UNC13A: variants seen among roughly 807,000 people sequenced by gnomAD.
UNC13A encodes the protein protein unc-13 homolog A.
In UNC13A, 61 loss-of-function variants were observed where a neutral mutation model predicts 219.7. The observed-to-expected ratio is 0.28, with a 90% confidence interval of 0.23 to 0.34. The LOEUF (loss-of-function observed/expected upper bound fraction) is 0.34. Among genes scored for constraint, UNC13A ranks in the 10% least tolerant of loss-of-function variants. The pLI is 1.00. For synonymous variants in UNC13A, 920 were observed against 884.6 expected (o/e 1.04, Z -0.71); for missense variants, 1,476 against 2,270.3 (o/e 0.65, Z 7.11).
intron 21 of UNC13A, 88 bp downstream of exon 21, chr19:17,641,305 C>T (rs1456437534): frequency 8.5e-6 from 13 of 1,520,744 alleles, no homozygotes; most frequent in Non-Finnish European, 1.2e-5. Flanking sequence ...TCTGGGTCTT[C>T]CCCCTGAGAA....
At position 17,647,184 on chromosome 19, in the gene UNC13A, G is replaced by T. The variant is rs1297129709; in HGVS notation, c.2044+81C>A. On this transcript the variant is annotated intron_variant, in intron 17 of 43. Transcript: ENST00000519716. Reference sequence around the variant, plus strand: ...GTGAGTGCGCGCTGCAAAGGAGAGGGACCAGGCCATGGGACAGGGCATGAG... The same window carrying T: ...GTGAGTGCGCGCTGCAAAGGAGAGGTACCAGGCCATGGGACAGGGCATGAG... The T allele has an allele frequency of 7.5e-6, 10 of 1,326,460 alleles. No homozygotes were observed. The African/African-American group carries it at 1.2e-4, about 15-fold the overall frequency. The allele number at this position is 1,326,460 out of a possible 1,614,324, so 82.2% of individuals were successfully genotyped here. A position where few individuals can be genotyped will look rare whatever the true frequency, so the allele number is the denominator to read the frequency against.
chr19:17,633,119 T>A lies in UNC13A; in HGVS notation c.3290A>T (p.Tyr1097Phe). ...GGTGGGAAACTCACCCTCCATGGCG[T>A]ACTTCATGTCTTGGGCAAACAGATT... The part of the protein sequence containing the change: ...MWNLFAQDMK[Y>F]AMEEHDKHRL... Residue 1097 changes from tyrosine (Y) to phenylalanine (F), a missense_variant, in exon 27 of 44, where the codon TAC becomes TTC. Coordinates refer to ENST00000519716, the MANE Select transcript of UNC13A (RefSeq NM_001080421.3). The A allele has an allele frequency of 6.2e-7, 1 of 1,614,180 alleles. No homozygotes were observed. The highest frequency in any genetic ancestry group is 1.1e-5 in the South Asian group (1 of 91,084).
At chr19:17,684,503 C>G (rs1416603666) in intron 1 of UNC13A, among the ~76,000 whole-genome samples, 1 of 152,170 alleles carries the variant, frequency 6.6e-6, no homozygotes, top group Admixed American at 6.6e-5. Context: ...ATGAAGGAAC[C>G]AGGTGGCATT....
At chr19:17,643,434 C>T (rs555041768) in intron 19 of UNC13A, among the ~76,000 whole-genome samples, 1 of 152,120 alleles carries the variant, frequency 6.6e-6, no homozygotes, top group Non-Finnish European at 1.5e-5. Context: ...ATTGTCTTGC[C>T]TCAGCCTCCC....
At chr19:17,655,157 G>A (rs1159541193) in intron 11 of UNC13A, 117 bp downstream of exon 11, 34 of 821,398 alleles carry the variant, frequency 4.1e-5, no homozygotes, top group South Asian at 2.5e-4. Context: ...GCTTGGGTAC[G>A]GGTGGGGTGT....
chr19:17,616,545 A>C, intron 41 of UNC13A: 1 of 542,394 alleles, frequency 1.8e-6, no homozygotes, highest in Non-Finnish European at 3.5e-6. Context: ...AGAGGTGAGG[A>C]TGGAGGAGTG....
intron 3 of UNC13A, among the ~76,000 whole-genome samples, chr19:17,673,167 GA>G (rs2079822543): frequency 6.6e-6 from 1 of 151,832 alleles, no homozygotes; most frequent in Non-Finnish European, 1.5e-5. Flanking sequence ...AGACCAGCCT[GA>G]CCAACATGGA....
rs921967518 is a variant in UNC13A at position 17,655,808 on chromosome 19, G to A, written c.1283+75C>T. The A allele has an allele frequency of 3.0e-5, 43 of 1,443,402 alleles. No homozygotes were observed. In the African/African-American group the frequency reaches 3.2e-4, roughly 11 times the overall value. 89.4% of individuals were successfully genotyped at this position (1,443,402 alleles called of 1,614,324 possible). The stretch of plus-strand genomic sequence containing the variant: ...AGCCCCAGCAACTTCCCAGGTCCAC[G>A]CTGACCCCATCATAGCCCTGCTGAC... On this transcript the variant is annotated intron_variant, in intron 10 of 43. Coordinates refer to ENST00000519716, the MANE Select transcript of UNC13A (RefSeq NM_001080421.3).
chr19:17,683,915 C>T (rs2080064519), intron 1 of UNC13A, among the ~76,000 whole-genome samples: 1 of 151,600 alleles, frequency 6.6e-6, no homozygotes, highest in South Asian at 2.1e-4. Flanking sequence ...AGGGCAAAAC[C>T]CTGCTTCTGC....
intron 25 of UNC13A, among the ~76,000 whole-genome samples, chr19:17,636,725 C>T (rs1222377431): frequency 6.6e-6 from 1 of 152,162 alleles, no homozygotes; most frequent in African/African-American, 2.4e-5. Flanking sequence ...CCCAACTGAA[C>T]ATACGCAGGG....
chr19:17,663,353 A>G (rs2079586327), intron 8 of UNC13A, among the ~76,000 whole-genome samples, 179 bp downstream of exon 8: 1 of 142,364 alleles, frequency 7.0e-6, no homozygotes, highest in African/African-American at 2.6e-5. Context: ...CTCCCAAGAC[A>G]GGCACTAATG....
At position 17,655,367 on chromosome 19, in the gene UNC13A, C is replaced by A; in HGVS notation, c.1299G>T (p.Glu433Asp). The A allele has an allele frequency of 6.3e-7, 1 of 1,583,282 alleles. No individual in the cohort carries two copies. Residue 433 changes from glutamate to aspartate, a missense_variant, in exon 11 of 44, where the codon GAG becomes GAT. Physicochemically the swap from Glu to Asp is conservative, Grantham distance 45. Around this residue, in one of 14 missense-constraint regions of UNC13A, gnomAD observed 351 missense variants for 342.6 expected, o/e 1.02. Coordinates refer to ENST00000519716, the MANE Select transcript of UNC13A (RefSeq NM_001080421.3). Reference sequence around the variant, plus strand: ...CCTGCCCCTCCTGGCCTTCCTCATCCTCTCTCGGCCTGAAACTGAGGCAGG... The same window carrying A: ...CCTGCCCCTCCTGGCCTTCCTCATCATCTCTCGGCCTGAAACTGAGGCAGG... Reference protein sequence around the residue: ...PKDEESFRPREDEEGQEGQDS... With the variant: ...PKDEESFRPRDDEEGQEGQDS...
intron 23 of UNC13A, 150 bp from the exon 24 acceptor site, chr19:17,639,675 C>T (rs1334151768): frequency 6.8e-6 from 8 of 1,173,904 alleles, no homozygotes; most frequent in Non-Finnish European, 9.8e-6. Flanking sequence ...TTGGATGCAC[C>T]AAGCACATTA....
chr19:17,653,493 G>A lies in UNC13A; in HGVS notation c.1393-816C>T, dbSNP rs548999689. ...CTTCCTAGTAGCTGGGATTACAGGT[G>A]CCCACCACCACACCCAATTAATTTT... is the stretch of plus-strand genomic sequence containing the variant. On this transcript the variant is annotated intron_variant, in intron 11 of 43. Coordinates refer to ENST00000519716, the MANE Select transcript of UNC13A (RefSeq NM_001080421.3). 2.0e-5 allele frequency among the ~76,000 whole-genome samples: 3 copies of A among 151,848 alleles called. No individual in the cohort carries two copies. The East Asian group carries it at 5.8e-4, about 30-fold the overall frequency.
chr19:17,618,767 C>T, intron 39 of UNC13A, 139 bp downstream of exon 39: 2 of 854,998 alleles, frequency 2.3e-6, no homozygotes, highest in Non-Finnish European at 3.9e-6. Flanking sequence ...TCTTGTGCTT[C>T]AGTGAGTAGA....
At chr19:17,609,129 T>C (rs1205413826) in intron 43 of UNC13A, among the ~76,000 whole-genome samples, 3 of 146,924 alleles carry the variant, frequency 2.0e-5, no homozygotes, top group Non-Finnish European at 4.5e-5. Context: ...GGCTAATTTT[T>C]TTTTTTTTTT....
chr19:17,633,024 A>T, intron 27 of UNC13A, 84 bp downstream of exon 27: 1 of 1,606,836 alleles, frequency 6.2e-7, no homozygotes, highest in South Asian at 1.1e-5. Context: ...AGGGTATTAT[A>T]GGGTGCTCAC....
intron 43 of UNC13A, among the ~76,000 whole-genome samples, chr19:17,608,611 G>A (rs1478722535): frequency 1.3e-5 from 2 of 149,830 alleles, no homozygotes; most frequent in South Asian, 2.1e-4. Flanking sequence ...TCTGCCTCCC[G>A]GGTTCACGCC....
At chr19:17,630,883 A>T (rs989539232) in intron 28 of UNC13A, 133 bp from the exon 29 acceptor site, 50 of 734,110 alleles carry the variant, frequency 6.8e-5, no homozygotes, top group Non-Finnish European at 1.0e-4. Context: ...TGCAGCCTTG[A>T]GTGGCTGCTC....
Sources: gnomAD v4.1 joint callset for allele counts (sites outside exome capture counted in the v4.1 genomes callset) on GRCh38, gnomAD v4.1.1 for gene constraint, gnomAD v4.1.1 regional missense constraint, MANE v1.5 for transcripts, NCBI Gene and HGNC (gene_info 2026-07-23, HGNC 2026-07-21) for gene names.